ANO10: variants seen among roughly 807,000 people sequenced by gnomAD.
ANO10 encodes the protein anoctamin 10.
ANO10 carries 77 observed loss-of-function variants against 74.7 expected under a neutral mutation model. That is an observed-to-expected ratio of 1.03 (90% CI 0.86 to 1.25). ANO10 has a LOEUF of 1.25. ANO10 is among the 50% of genes most tolerant of loss of function. ANO10 has a pLI of 0.00. For missense variants in ANO10, 721 were observed against 778.1 expected (o/e 0.93, Z 0.87); for synonymous variants, 279 against 284.9 (o/e 0.98, Z 0.21).
At chr3:43,402,762 A>G (rs561245734) in intron 12 of ANO10, among the ~76,000 whole-genome samples, 1 of 152,236 alleles carries the variant, frequency 6.6e-6, no homozygotes, top group African/African-American at 2.4e-5. Context: ...CTTTCCCTTC[A>G]AGCTGATTTT....
chr3:43,535,162 T>G (rs1245539348), intron 11 of ANO10, among the ~76,000 whole-genome samples: 3 of 151,616 alleles, frequency 2.0e-5, no homozygotes, highest in Non-Finnish European at 4.4e-5. Context: ...TTAGTAGAGA[T>G]AGGTTTTTGC....
rs146124435 is a variant in ANO10, at chr3:43,381,100, T to G, written c.1915-14126A>C. Among the ~76,000 whole-genome samples the G allele has an allele frequency of 3.1e-3, 474 of 152,208 alleles. 4 individuals are homozygous for G. Among genetic ancestry groups the G allele is most frequent in the Non-Finnish European group, 5.7e-3 (387 of 68,020 alleles). ...ACCCGCCACCATGAGAAGAACAGCA[T>G]GAGGGTAACCGCCCCCATGATTAAA... On this transcript the variant is annotated intron_variant, in intron 12 of 12. Coordinates refer to ENST00000292246, the MANE Select transcript of ANO10 (RefSeq NM_018075.5).
rs574949184 is a variant in ANO10 at position 43,556,232 on chromosome 3, C to T, written c.1477-763G>A. ...AATCTTAGCAATCAAGCCATTTTTA[C>T]CACATTCAGTCTTAAGAAATCCTGA... On this transcript the variant is annotated intron_variant, in intron 9 of 12. Transcript: ENST00000292246. 6.6e-5 allele frequency among the ~76,000 whole-genome samples: 10 copies of T among 152,286 alleles called. No individual in the cohort carries two copies. The East Asian group carries it at 1.4e-3, about 21-fold the overall frequency.
intron 11 of ANO10, among the ~76,000 whole-genome samples, chr3:43,518,735 C>T (rs1305521515): frequency 6.6e-6 from 1 of 152,082 alleles, no homozygotes; most frequent in East Asian, 1.9e-4. Flanking sequence ...TCCTGTAGTG[C>T]CCCCAGGCCT....
chr3:43,672,565 C>T (rs1025239890), intron 1 of ANO10, among the ~76,000 whole-genome samples: 10 of 151,954 alleles, frequency 6.6e-5, no homozygotes, highest in South Asian at 2.1e-4. Flanking sequence ...ACAAAAAACA[C>T]CTTATTTCAG....
chr3:43,367,329 C>A (rs2091448603), intron 12 of ANO10, among the ~76,000 whole-genome samples: 1 of 152,168 alleles, frequency 6.6e-6, no homozygotes, highest in South Asian at 2.1e-4. Flanking sequence ...TTGCTTTGCC[C>A]CTGTGCTTTG....
intron 12 of ANO10, among the ~76,000 whole-genome samples, chr3:43,400,534 G>A (rs2092461843): frequency 6.6e-6 from 1 of 152,114 alleles, no homozygotes; most frequent in African/African-American, 2.4e-5. Context: ...CAACACTTTG[G>A]GAAGCTGAGC....
rs189918603 is a variant in ANO10, at chr3:43,627,743, A to T, written c.-11-21880T>A. Among the ~76,000 whole-genome samples, 4 of 152,314 alleles carry T rather than the reference A, an allele frequency of 2.6e-5. No individual in the cohort carries two copies. The East Asian group carries it at 5.8e-4, about 22-fold the overall frequency. On this transcript the variant is annotated intron_variant, in intron 1 of 3. Transcript: ENST00000413397. The stretch of plus-strand genomic sequence containing the variant: ...TATAGAGTTTATTTCTAGGCAATTT[A>T]TCTTTCTAATTGCTAAAGAAACTGT...
chr3:43,448,865 C>CTG (rs1317060035), intron 11 of ANO10, among the ~76,000 whole-genome samples: 1 of 103,596 alleles, frequency 9.7e-6, no homozygotes, highest in Non-Finnish European at 2.2e-5. Flanking sequence ...TTCTTTCTTT[C>CTG]TTTCTTTCTT....
intron 12 of ANO10, among the ~76,000 whole-genome samples, chr3:43,400,773 C>T (rs1236183345): frequency 6.6e-6 from 1 of 151,988 alleles, no homozygotes; most frequent in Non-Finnish European, 1.5e-5. Flanking sequence ...GAGACCCTGT[C>T]TCAAAATAAT....
intron 11 of ANO10, among the ~76,000 whole-genome samples, chr3:43,498,684 T>C (rs2076997148): frequency 6.6e-6 from 1 of 152,230 alleles, no homozygotes; most frequent in Non-Finnish European, 1.5e-5. Context: ...GATTTACTGA[T>C]GCTGTCCTTT....
At chr3:43,629,510 A>ATGG (rs1415238442) in intron 1 of ANO10, among the ~76,000 whole-genome samples, 1 of 152,216 alleles carries the variant, frequency 6.6e-6, no homozygotes, top group Non-Finnish European at 1.5e-5. Flanking sequence ...AAATATTAAC[A>ATGG]GAATCACTCA....
intron 12 of ANO10, among the ~76,000 whole-genome samples, chr3:43,369,203 C>T (rs2091517564): frequency 6.6e-6 from 1 of 152,274 alleles, no homozygotes; most frequent in South Asian, 2.1e-4. Flanking sequence ...ACAGCCCCTT[C>T]TCTCAGGCCC....
At chr3:43,470,826 CCAT>C (rs2075827726) in intron 11 of ANO10, among the ~76,000 whole-genome samples, 1 of 151,852 alleles carries the variant, frequency 6.6e-6, no homozygotes, top group Admixed American at 6.6e-5. Context: ...GTGGTTTTTA[CCAT>C]GTTGCCAGGC....
intron 11 of ANO10, among the ~76,000 whole-genome samples, chr3:43,443,252 T>C (rs1219440996): frequency 1.3e-5 from 2 of 152,192 alleles, no homozygotes; most frequent in Admixed American, 6.5e-5. Context: ...AACAAGGAGT[T>C]GGTCTTAAAA....
intron 12 of ANO10, among the ~76,000 whole-genome samples, chr3:43,379,129 G>A (rs1454716844): frequency 6.6e-6 from 1 of 152,038 alleles, no homozygotes; most frequent in African/African-American, 2.4e-5. Flanking sequence ...CAATATTTTC[G>A]CAAATCTAGA....
chr3:43,688,054 C>A (rs1227263820), intron 1 of ANO10, among the ~76,000 whole-genome samples: 1 of 152,188 alleles, frequency 6.6e-6, no homozygotes, highest in Non-Finnish European at 1.5e-5. Flanking sequence ...TAGAACAGAG[C>A]TACTCCCAGA....
chr3:43,563,378 G>A (rs72865076), intron 8 of ANO10, among the ~76,000 whole-genome samples: 2 of 148,446 alleles, frequency 1.3e-5, no homozygotes, highest in South Asian at 4.2e-4. Context: ...GGTAGAAATG[G>A]AAATTGATAC....
At chr3:43,568,138 C>A (rs2080475892) in intron 7 of ANO10, among the ~76,000 whole-genome samples, 1 of 143,710 alleles carries the variant, frequency 7.0e-6, no homozygotes, top group Non-Finnish European at 1.6e-5. Context: ...AGCTAACTAT[C>A]CTAAATATAT....
Sources: gnomAD v4.1 joint callset for allele counts (sites outside exome capture counted in the v4.1 genomes callset) on GRCh38, gnomAD v4.1.1 for gene constraint, MANE v1.5 for transcripts, NCBI Gene and HGNC (gene_info 2026-07-23, HGNC 2026-07-21) for gene names.